ARL15: variants seen among roughly 807,000 people sequenced by gnomAD.
ARL15 encodes the protein ARF like GTPase 15, also known as ADP-ribosylation factor-like protein 15.
Under a neutral mutation model 25.2 loss-of-function variants are expected in ARL15, and 19 were observed. The ratio of observed to expected loss-of-function variants is 0.75; its 90% confidence interval spans 0.53 to 1.10. The LOEUF (loss-of-function observed/expected upper bound fraction) is 1.10, where lower values mean the gene tolerates loss of function less well. ARL15 is among the 50% of genes least tolerant of loss of function. The pLI is 0.00. For synonymous variants in ARL15, 94 were observed against 86.8 expected (o/e 1.08, Z -0.46); for missense variants, 220 against 246.0 (o/e 0.89, Z 0.71).
intron 1 of ARL15, among the ~76,000 whole-genome samples, chr5:54,217,487 A>G (rs893360273): frequency 5.9e-5 from 9 of 152,084 alleles, no homozygotes; most frequent in African/African-American, 1.9e-4. Context: ...AAGAAGGTAA[A>G]CCACCCTTCC....
At chr5:54,268,799 T>G (rs1287798216) in intron 1 of ARL15, among the ~76,000 whole-genome samples, 1 of 152,152 alleles carries the variant, frequency 6.6e-6, no homozygotes, top group Admixed American at 6.5e-5. Flanking sequence ...CTATTCACAA[T>G]AGCAAAGACT....
At chr5:54,079,529 GA>G (rs1751721626) in intron 4 of ARL15, among the ~76,000 whole-genome samples, 1 of 151,688 alleles carries the variant, frequency 6.6e-6, no homozygotes, top group Non-Finnish European at 1.5e-5. Flanking sequence ...ATATTGATGA[GA>G]AAAAAAATTC....
At chr5:54,129,175 C>T (rs929900919) in intron 3 of ARL15, among the ~76,000 whole-genome samples, 4 of 152,110 alleles carry the variant, frequency 2.6e-5, no homozygotes, top group Admixed American at 2.6e-4. Flanking sequence ...ATCGAAACAT[C>T]TAATATCTAA....
intron 4 of ARL15, among the ~76,000 whole-genome samples, chr5:54,089,801 A>C (rs1467634977): frequency 6.6e-6 from 1 of 152,236 alleles, no homozygotes. Flanking sequence ...GCATGTATTA[A>C]TATTATATTC....
At chr5:54,091,306 T>C (rs1289364792) in intron 4 of ARL15, among the ~76,000 whole-genome samples, 3 of 152,210 alleles carry the variant, frequency 2.0e-5, no homozygotes, top group Non-Finnish European at 4.4e-5. Context: ...TCATAACCTA[T>C]GTTTTTTAAG....
chr5:54,207,327 C>T (rs183387402), intron 1 of ARL15, among the ~76,000 whole-genome samples: 1 of 152,296 alleles, frequency 6.6e-6, no homozygotes, highest in Non-Finnish European at 1.5e-5. Flanking sequence ...TTACTTCACC[C>T]CCAATGTTAC....
intron 3 of ARL15, among the ~76,000 whole-genome samples, chr5:54,122,007 A>G (rs1462155976): frequency 1.3e-5 from 2 of 152,246 alleles, no homozygotes; most frequent in Non-Finnish European, 2.9e-5. Context: ...AACTCAAGTT[A>G]GCTCAGTACC....
intron 1 of ARL15, among the ~76,000 whole-genome samples, chr5:54,207,271 T>A (rs2112497239): frequency 6.6e-6 from 1 of 152,342 alleles, no homozygotes; most frequent in East Asian, 1.9e-4. Context: ...AAGAGAATTT[T>A]AAAAAGAGGC....
chr5:53,952,188 G>A (rs1238719159), intron 4 of ARL15, among the ~76,000 whole-genome samples: 1 of 152,058 alleles, frequency 6.6e-6, no homozygotes, highest in Admixed American at 6.5e-5. Flanking sequence ...CTTGAACCCG[G>A]GAGGCAGAGG....
intron 4 of ARL15, among the ~76,000 whole-genome samples, chr5:54,040,257 A>G (rs993672212): frequency 6.6e-6 from 1 of 152,214 alleles, no homozygotes; most frequent in African/African-American, 2.4e-5. Flanking sequence ...GGTCAAGGGC[A>G]TATCAGCAAT....
chr5:53,991,687 T>C (rs1380133238), intron 4 of ARL15, among the ~76,000 whole-genome samples: 1 of 151,956 alleles, frequency 6.6e-6, no homozygotes, highest in East Asian at 1.9e-4. Context: ...TCTATAGACA[T>C]GTTTGATTCA....
At chr5:54,126,563 A>G (rs1753257949) in intron 3 of ARL15, among the ~76,000 whole-genome samples, 1 of 152,242 alleles carries the variant, frequency 6.6e-6, no homozygotes, top group African/African-American at 2.4e-5. Flanking sequence ...CCCAAAAAGC[A>G]TGTATTGGGA....
intron 4 of ARL15, among the ~76,000 whole-genome samples, chr5:53,905,884 T>C (rs1745235181): frequency 6.6e-6 from 1 of 152,218 alleles, no homozygotes. Flanking sequence ...ACAAACTTAC[T>C]TTTAGTTCCT....
chr5:53,993,608 T>C (rs376715631), intron 4 of ARL15, among the ~76,000 whole-genome samples: 1 of 152,222 alleles, frequency 6.6e-6, no homozygotes, highest in South Asian at 2.1e-4. Flanking sequence ...GTTTACCTCA[T>C]ATTGCTTTTG....
At chr5:54,140,417 CAGATAGAT>C (rs57386310) in intron 3 of ARL15, among the ~76,000 whole-genome samples, 8,647 of 145,284 alleles carry the variant, frequency 0.06, 308 homozygotes, top group Non-Finnish European at 0.066. Context: ...TGTGGATAGA[CAGATAGAT>C]AGATAGATAG....
At chr5:53,955,956 C>G (rs776227448) in intron 4 of ARL15, among the ~76,000 whole-genome samples, 2 of 151,988 alleles carry the variant, frequency 1.3e-5, no homozygotes, top group Non-Finnish European at 2.9e-5. Flanking sequence ...ATACGAGTCC[C>G]AAAAATATGG....
intron 4 of ARL15, among the ~76,000 whole-genome samples, chr5:53,918,816 G>C (rs1425587632): frequency 1.5e-5 from 2 of 135,258 alleles, no homozygotes; most frequent in African/African-American, 5.9e-5. Context: ...CTTATAATTT[G>C]GTGAAGTTGA....
intron 4 of ARL15, among the ~76,000 whole-genome samples, chr5:53,894,365 G>A (rs1047006137): frequency 2.6e-5 from 4 of 152,144 alleles, no homozygotes; most frequent in Non-Finnish European, 1.5e-5. Context: ...TCCAATGCAC[G>A]GGAGAAGTTA....
At chr5:54,001,356 T>G (rs983096740) in intron 4 of ARL15, among the ~76,000 whole-genome samples, 30 of 152,208 alleles carry the variant, frequency 2.0e-4, no homozygotes, top group African/African-American at 7.2e-4. Context: ...ATGCAGAAGG[T>G]ACTTGATAAA....
Sources: allele counts gnomAD v4.1 joint callset (sites outside exome capture counted in the v4.1 genomes callset), GRCh38; gene constraint gnomAD v4.1.1; transcripts MANE v1.5; gene names NCBI Gene and HGNC (gene_info 2026-07-23, HGNC 2026-07-21).